Variants in POLR1D observed in about 807,000 individuals in gnomAD.
POLR1D encodes the protein DNA-directed RNA polymerases I and III subunit RPAC2.
POLR1D carries 8 observed loss-of-function variants against 10.8 expected under a neutral mutation model. The ratio of observed to expected loss-of-function variants is 0.74; its 90% CI spans 0.43 to 1.33. POLR1D has a LOEUF of 1.33. Ranked by LOEUF, POLR1D falls within the 40% of genes most tolerant of loss-of-function variation. POLR1D has a pLI of 0.01. For missense variants in POLR1D, 152 were observed against 161.7 expected (o/e 0.94, Z 0.32); for synonymous variants, 54 against 57.2 (o/e 0.94, Z 0.25).
intron 1 of POLR1D, among the ~76,000 whole-genome samples, chr13:27,638,291 T>C (rs1012776659): frequency 4.6e-5 from 7 of 152,232 alleles, no homozygotes; most frequent in African/African-American, 1.2e-4. Context: ...GAGTGCAGGC[T>C]TTCTCTTCTT....
intron 1 of POLR1D, 87 bp downstream of exon 1, chr13:27,622,096 G>T: frequency 8.7e-7 from 1 of 1,153,270 alleles, no homozygotes. Context: ...CTGGCAGCCG[G>T]GGCCTGACTC....
At chr13:27,628,684 C>G (rs1382694253) in intron 1 of POLR1D, among the ~76,000 whole-genome samples, 2 of 152,072 alleles carry the variant, frequency 1.3e-5, no homozygotes, top group Non-Finnish European at 2.9e-5. Context: ...TGTTTTTAAT[C>G]TGTATATGTA....
downstream of POLR1D, among the ~76,000 whole-genome samples, chr13:27,624,850 T>A (rs1955992607): frequency 6.6e-6 from 1 of 152,172 alleles, no homozygotes. Flanking sequence ...ATCACACCAT[T>A]GCACTCCAGC....
downstream of POLR1D, among the ~76,000 whole-genome samples, chr13:27,625,282 A>G (rs1413563404): frequency 6.6e-6 from 1 of 152,110 alleles, no homozygotes; most frequent in Non-Finnish European, 1.5e-5. Flanking sequence ...GGGGAGATGA[A>G]TTATAGGGAG....
intron 1 of POLR1D, among the ~76,000 whole-genome samples, chr13:27,644,251 C>T (rs1246741749): frequency 6.6e-6 from 1 of 152,200 alleles, no homozygotes; most frequent in Non-Finnish European, 1.5e-5. Context: ...CAGTTGCCTT[C>T]AATTTCTTGC....
At chr13:27,657,193 A>G (rs1159741045) in intron 2 of POLR1D, among the ~76,000 whole-genome samples, 1 of 152,194 alleles carries the variant, frequency 6.6e-6, no homozygotes, top group African/African-American at 2.4e-5. Context: ...ACTTTTTAAC[A>G]GAGTTTTTTT....
At position 27,621,997 on chromosome 13, in the gene POLR1D, A is replaced by C; in HGVS notation, c.14A>C (p.Gln5Pro). The change falls in exon 1 of 2, where the codon CAG (glutamine) becomes CCG (proline). Residue 5 changes from glutamine (Q) to proline (P), a missense_variant. Physicochemically the swap from Gln to Pro is moderately conservative, Grantham distance 76. Transcript: ENST00000302979. ...ACCGCCCCAGCGATGGAAGAGGATC[A>C]GGAGCTGGAGAGGTAACGGCCGAGG... is the stretch of plus-strand genomic sequence containing the variant. Reference protein sequence around the residue: MEEDQELERKISGLK... With the variant: MEEDPELERKISGLK... The C allele has an allele frequency of 6.3e-7, 1 of 1,591,902 alleles. No individual in the cohort carries two copies. The highest frequency in any genetic ancestry group is 8.6e-7 in the Non-Finnish European group (1 of 1,169,442).
chr13:27,637,827 T>TG (rs1295137138), intron 1 of POLR1D, among the ~76,000 whole-genome samples: 2 of 152,042 alleles, frequency 1.3e-5, no homozygotes, highest in Non-Finnish European at 2.9e-5. Context: ...GATAGGGTCT[T>TG]GCTGTGTTGC....
chr13:27,652,866 CAA>C (rs34688215), intron 2 of POLR1D, among the ~76,000 whole-genome samples: 13,175 of 117,046 alleles, frequency 0.11, 798 homozygotes, highest in East Asian at 0.27. Context: ...GACTCCATCT[CAA>C]AAAAAAAAAA....
intron 1 of POLR1D, among the ~76,000 whole-genome samples, chr13:27,628,752 A>G (rs567294344): frequency 8.1e-4 from 124 of 152,328 alleles, no homozygotes; most frequent in African/African-American, 2.8e-3. Flanking sequence ...GAGGATATGT[A>G]GGATATTGGA....
intron 2 of POLR1D, among the ~76,000 whole-genome samples, chr13:27,652,758 T>C (rs113903128): frequency 0.15 from 22,687 of 151,194 alleles, 1,839 homozygotes; most frequent in African/African-American, 0.2. Context: ...TAATCCCAGC[T>C]ACTCAGGCTG....
downstream of POLR1D, among the ~76,000 whole-genome samples, chr13:27,624,170 C>T (rs1474486462): frequency 2.0e-5 from 3 of 152,204 alleles, no homozygotes; most frequent in Non-Finnish European, 4.4e-5. Context: ...TCCTGCCGTA[C>T]TCTTAAGTCA....
chr13:27,666,642 A>C (rs1461039400), exon 3 of POLR1D: 1 of 152,210 alleles, frequency 6.6e-6, no homozygotes, highest in African/African-American at 2.4e-5. Context: ...GTGCTTTAAA[A>C]AGAACCCTCA....
rs761628393 is a variant in POLR1D at position 27,623,054 on chromosome 13, G to C, written c.206G>C (p.Gly69Ala). 19 of 1,613,982 alleles carry C rather than the reference G, an allele frequency of 1.2e-5. No homozygotes were observed. The Admixed American group carries it at 3.2e-4, about 27-fold the overall frequency. ...IMKNPEVEFC[G>A]YTTTHPSESK... Reference sequence around the variant, plus strand: ...AAGAACCCGGAAGTGGAATTTTGTGGTTACACTACGACCCATCCTTCAGAG... The same window carrying C: ...AAGAACCCGGAAGTGGAATTTTGTGCTTACACTACGACCCATCCTTCAGAG... Residue 69 changes from glycine to alanine, a missense_variant, in exon 2 of 2, where the codon GGT becomes GCT. Transcript: ENST00000302979.
chr13:27,655,438 CT>C (rs1956299742), intron 2 of POLR1D, among the ~76,000 whole-genome samples: 1 of 152,102 alleles, frequency 6.6e-6, no homozygotes, highest in African/African-American at 2.4e-5. Flanking sequence ...CCAAAAATGT[CT>C]TTTATAGTGG....
At chr13:27,626,444 G>A (rs1956011142), downstream of POLR1D, among the ~76,000 whole-genome samples, 1 of 152,222 alleles carries the variant, frequency 6.6e-6, no homozygotes, top group African/African-American at 2.4e-5. Flanking sequence ...AACACCTGCA[G>A]AAGGCAGTTG....
At chr13:27,626,078 ATGTT>A (rs1956006146), downstream of POLR1D, among the ~76,000 whole-genome samples, 1 of 152,226 alleles carries the variant, frequency 6.6e-6, no homozygotes, top group Non-Finnish European at 1.5e-5. Context: ...TGGAAAGTCA[ATGTT>A]TGTTTAAGGG....
At chr13:27,652,369 G>C (rs1044492334) in intron 2 of POLR1D, among the ~76,000 whole-genome samples, 2 of 152,198 alleles carry the variant, frequency 1.3e-5, no homozygotes, top group Admixed American at 1.3e-4. Flanking sequence ...AGACTGTCTT[G>C]AGATTTGTGT....
intron 2 of POLR1D, among the ~76,000 whole-genome samples, chr13:27,652,907 A>ACTTCTTTTTTTTTTTT (rs1365436145): frequency 1.3e-5 from 1 of 78,530 alleles, no homozygotes; most frequent in African/African-American, 6.0e-5. Flanking sequence ...TGCATTTACC[A>ACTTCTTTTTTTTTTTT]TTTCTTTTTT....
Sources: allele counts gnomAD v4.1 joint callset (sites outside exome capture counted in the v4.1 genomes callset), GRCh38; gene constraint gnomAD v4.1.1; transcripts MANE v1.5; gene names NCBI Gene and HGNC (gene_info 2026-07-23, HGNC 2026-07-21).